CPNE5: variants seen among roughly 807,000 people sequenced by gnomAD.
The protein encoded by CPNE5 is copine 5, also known as copine-5.
A neutral mutation model predicts 81.1 loss-of-function variants in CPNE5; 42 were observed. That is an observed-to-expected ratio of 0.52 (90% CI 0.40 to 0.67). The LOEUF is 0.67. Ranked by LOEUF, CPNE5 falls within the 30% of genes least tolerant of loss-of-function variation. CPNE5 has a pLI of 0.00. For synonymous variants in CPNE5, 313 were observed against 321.5 expected, an observed-to-expected ratio of 0.97 and a Z score of 0.28; for missense variants, 612 against 815.5, an observed-to-expected ratio of 0.75 and a Z score of 3.04.
chr6:36,794,472 G>A lies in CPNE5; in HGVS notation c.464+118C>T, dbSNP rs563764625. 1.2e-4 allele frequency: 114 copies of A among 953,564 alleles called. No homozygotes were observed. In the African/African-American group the frequency reaches 1.4e-3, roughly 12 times the overall value. 59.1% of individuals were successfully genotyped at this position (953,564 alleles called of 1,614,324 possible). A position where few individuals can be genotyped will look rare whatever the true frequency, so the allele number is the denominator to read the frequency against. ...GAGGAACCCAGGACTCTCTGTCCCC[G>A]GATCAGGGCCAAATTCGCAGTGATG... On this transcript the variant is annotated intron_variant, in intron 7 of 20. Transcript: ENST00000244751.
intron 12 of CPNE5, among the ~76,000 whole-genome samples, chr6:36,760,069 C>T (rs1373558426): frequency 2.7e-5 from 4 of 146,854 alleles, no homozygotes; most frequent in Non-Finnish European, 6.1e-5. Flanking sequence ...AAAAAAAAAT[C>T]GCCAGGGTGG....
chr6:36,759,961 C>G (rs1765859228), intron 12 of CPNE5, among the ~76,000 whole-genome samples: 1 of 151,630 alleles, frequency 6.6e-6, no homozygotes, highest in African/African-American at 2.4e-5. Context: ...AATCCCAGCA[C>G]TTTGCAAGGC....
chr6:36,744,105 A>T (rs1237606490), intron 19 of CPNE5, among the ~76,000 whole-genome samples, 163 bp downstream of exon 19: 1 of 152,196 alleles, frequency 6.6e-6, no homozygotes. Context: ...AATGCGTCCC[A>T]CACCCTGCAC....
rs566202824 is a variant in CPNE5 at position 36,746,056 on chromosome 6, T to C, written c.1200+340A>G. The C allele has an allele frequency of 1.3e-4, 66 of 491,874 alleles. No individual in the cohort carries two copies. The South Asian group carries it at 5.1e-3, about 38-fold the overall frequency. The allele number at this position is 491,874 out of a possible 1,614,324, so 30.5% of individuals were successfully genotyped here. ...GATCCACGTCATCCCATCTCAGCAC[T>C]GACTCAGGGATACCCAACCCACACC... On this transcript the variant is annotated intron_variant, in intron 16 of 20. Coordinates refer to ENST00000244751, the MANE Select transcript of CPNE5 (RefSeq NM_020939.2). The surrounding 1 kb of genome is among the most constrained non-coding windows in gnomAD (Gnocchi z 4.5).
chr6:36,799,896 G>A, intron 4 of CPNE5, 71 bp downstream of exon 4: 4 of 1,131,796 alleles, frequency 3.5e-6, no homozygotes, highest in Non-Finnish European at 5.3e-6. Context: ...CTCAACCACA[G>A]GTCTGTGGTC....
At chr6:36,798,311 G>T in intron 5 of CPNE5, 70 bp from the exon 6 acceptor site, 1 of 1,529,998 alleles carries the variant, frequency 6.5e-7, no homozygotes, top group Non-Finnish European at 9.0e-7. Flanking sequence ...CTCCCCCATC[G>T]CCCAATTCCT....
chr6:36,782,108 G>A (rs974230015), intron 8 of CPNE5, among the ~76,000 whole-genome samples: 2 of 152,190 alleles, frequency 1.3e-5, no homozygotes, highest in Non-Finnish European at 1.5e-5. Flanking sequence ...GCCATCTCTT[G>A]TGGGGAGCAG....
chr6:36,808,567 G>C (rs1282499063), intron 3 of CPNE5, among the ~76,000 whole-genome samples: 1 of 152,136 alleles, frequency 6.6e-6, no homozygotes, highest in Non-Finnish European at 1.5e-5. Context: ...GACCCTCCCA[G>C]GCCTGCCTTG....
rs566995763 is a variant in CPNE5, at chr6:36,766,364, G to A, written c.738-988C>T. ...TCTCCTTTCAGATGAGCATCCTCAG[G>A]ACCAAGGGTAGGCGACAGATCCACC... On this transcript the variant is annotated intron_variant, in intron 10 of 20. Transcript: ENST00000244751. The surrounding 1 kb of genome is among the most constrained non-coding windows in gnomAD (Gnocchi z 4.2). Among the ~76,000 whole-genome samples, 1 of 152,332 alleles carries A rather than the reference G, an allele frequency of 6.6e-6. No individual in the cohort carries two copies. The highest frequency in any genetic ancestry group is 6.5e-5 in the Admixed American group (1 of 15,302).
intron 11 of CPNE5, among the ~76,000 whole-genome samples, chr6:36,764,949 T>C (rs935561113): frequency 4.9e-5 from 7 of 141,546 alleles, no homozygotes; most frequent in African/African-American, 1.5e-4. Flanking sequence ...ACGCGGAAAA[T>C]GTGTCCATGA....
rs542115256 is a variant in CPNE5 at position 36,746,735 on chromosome 6, G to A, written c.1019-158C>T. ...CCATGTTAAATCCTTCAGCAAAACAGATCTAGAATCCCTCCTCCGCCTCTC... is the reference window on the plus strand; with the variant it reads ...CCATGTTAAATCCTTCAGCAAAACAAATCTAGAATCCCTCCTCCGCCTCTC... On this transcript the variant is annotated intron_variant, in intron 15 of 20. Transcript: ENST00000244751. This position sits in a 1 kb window ranked among gnomAD's most constrained non-coding sequence, Gnocchi z 4.5. Among the ~76,000 whole-genome samples the A allele has an allele frequency of 6.6e-6, 1 of 152,112 alleles. No homozygotes were observed. The highest frequency in any genetic ancestry group is 1.9e-4 in the East Asian group (1 of 5,180).
chr6:36,791,575 C>A (rs544787672), intron 8 of CPNE5, among the ~76,000 whole-genome samples: 1 of 152,172 alleles, frequency 6.6e-6, no homozygotes, highest in Non-Finnish European at 1.5e-5. Context: ...CATGCGTACG[C>A]ACAGACACAC....
chr6:36,824,669 G>A (rs933120992), intron 1 of CPNE5, among the ~76,000 whole-genome samples: 4 of 152,228 alleles, frequency 2.6e-5, no homozygotes, highest in Non-Finnish European at 4.4e-5. Flanking sequence ...GAGCTAGGCC[G>A]GGTGTGGCTG....
At chr6:36,750,339 CCTCA>C (rs149359385) in intron 14 of CPNE5, among the ~76,000 whole-genome samples, 12,451 of 152,186 alleles carry the variant, frequency 0.082, 629 homozygotes, top group Non-Finnish European at 0.11. Context: ...CTCATGGAAC[CCTCA>C]CTCACCCCCA....
intron 9 of CPNE5, among the ~76,000 whole-genome samples, chr6:36,776,025 A>G (rs903687563): frequency 6.6e-6 from 1 of 152,154 alleles, no homozygotes; most frequent in African/African-American, 2.4e-5. Flanking sequence ...ATCTGAATCC[A>G]TGAACCTGTT....
chr6:36,817,472 G>A (rs944103975), intron 3 of CPNE5, among the ~76,000 whole-genome samples: 3 of 152,110 alleles, frequency 2.0e-5, no homozygotes, highest in Admixed American at 6.5e-5. Context: ...TGATCTCTAC[G>A]GACCCTTCTG....
At chr6:36,791,930 GC>G (rs1769130546) in intron 8 of CPNE5, 102 bp downstream of exon 8, 1 of 978,890 alleles carries the variant, frequency 1.0e-6, no homozygotes, top group Admixed American at 1.7e-5. Context: ...AGCATCAGGA[GC>G]CCTGTCTACC....
intron 1 of CPNE5, among the ~76,000 whole-genome samples, chr6:36,830,408 GA>G (rs2150613339): frequency 6.6e-6 from 1 of 152,266 alleles, no homozygotes; most frequent in South Asian, 2.1e-4. Flanking sequence ...GTAATCCGAG[GA>G]AAGCAGGGCG....
chr6:36,775,989 T>G (rs1767463272), intron 9 of CPNE5, among the ~76,000 whole-genome samples: 1 of 152,180 alleles, frequency 6.6e-6, no homozygotes, highest in African/African-American at 2.4e-5. Flanking sequence ...ACTTAGACGA[T>G]CTTTAAGACC....
Sources: allele counts gnomAD v4.1 joint callset (sites outside exome capture counted in the v4.1 genomes callset), GRCh38; gene constraint gnomAD v4.1.1; non-coding constraint Gnocchi (gnomAD v3.1); transcripts MANE v1.5; gene names NCBI Gene and HGNC (gene_info 2026-07-23, HGNC 2026-07-21).